Variants in KARS1 observed in about 807,000 individuals in gnomAD.
The protein encoded by KARS1 is lysine--tRNA ligase.
Under a neutral mutation model 63.9 loss-of-function variants are expected in KARS1, and 50 were observed. The ratio of observed to expected loss-of-function variants is 0.78; its 90% CI spans 0.62 to 0.99. The LOEUF (loss-of-function observed/expected upper bound fraction) is 0.99, where lower values mean the gene tolerates loss of function less well. Ranked by LOEUF, KARS1 falls within the 50% of genes least tolerant of loss-of-function variation. KARS1 has a pLI of 0.00. For synonymous variants in KARS1, 320 were observed against 264.6 expected, an observed-to-expected ratio of 1.21 and a Z score of -2.03; for missense variants, 816 against 754.5, an observed-to-expected ratio of 1.08 and a Z score of -0.95.
At chr16:75,630,855 G>A (rs1048536042) in intron 10 of KARS1, among the ~76,000 whole-genome samples, 4 of 151,870 alleles carry the variant, frequency 2.6e-5, no homozygotes, top group African/African-American at 4.8e-5. Flanking sequence ...GGCTGGTTTC[G>A]AACTCCTGAC....
chr16:75,629,300 G>T, intron 12 of KARS1, 115 bp downstream of exon 12: 1 of 1,338,360 alleles, frequency 7.5e-7, no homozygotes, highest in Non-Finnish European at 1.1e-6. Context: ...CAAGCCTATG[G>T]CTTTATCTTT....
chr16:75,636,169 C>G (rs2082159947), intron 4 of KARS1, 71 bp from the exon 5 acceptor site: 1 of 973,834 alleles, frequency 1.0e-6, no homozygotes, highest in Admixed American at 1.9e-5. Context: ...TCCTCTGGAA[C>G]CCTCACTCAA....
intron 1 of KARS1, chr16:75,644,478 G>A (rs758513703): frequency 6.4e-7 from 1 of 1,565,018 alleles, no homozygotes; most frequent in Non-Finnish European, 8.7e-7. Context: ...GGGAAACACA[G>A]AGATGTGGTG....
chr16:75,645,938 C>T (rs2082277824), intron 1 of KARS1, among the ~76,000 whole-genome samples: 1 of 151,524 alleles, frequency 6.6e-6, no homozygotes, highest in South Asian at 2.1e-4. Flanking sequence ...ACCGTGCTTT[C>T]ACCTGTGATA....
intron 1 of KARS1, among the ~76,000 whole-genome samples, chr16:75,643,491 C>T (rs2082247017): frequency 6.6e-6 from 1 of 151,796 alleles, no homozygotes; most frequent in Admixed American, 6.6e-5. Context: ...CATTTTCCTG[C>T]CTCAGCCTCC....
At chr16:75,629,318 G>T (rs1309842709) in intron 12 of KARS1, 97 bp downstream of exon 12, 9 of 1,490,710 alleles carry the variant, frequency 6.0e-6, no homozygotes, top group Non-Finnish European at 8.4e-6. Flanking sequence ...TTTCACTTCT[G>T]AAGTCACCAA....
chr16:75,631,830 C>T lies in KARS1; in HGVS notation c.941G>A (p.Arg314Gln), dbSNP rs538540443. 21 of 1,613,992 alleles carry T rather than the reference C, an allele frequency of 1.3e-5. No individual in the cohort carries two copies. The highest frequency in any genetic ancestry group is 1.7e-5 in the Non-Finnish European group (20 of 1,180,044). Reference sequence around the variant, plus strand: ...GAACTGGCGTCCAATTTCATAAACCCGGTCGATGCCACCAACCACAAGCAT... The same window carrying T: ...GAACTGGCGTCCAATTTCATAAACCTGGTCGATGCCACCAACCACAAGCAT... ...HKMLVVGGID[R>Q]VYEIGRQFRN... is the part of the protein sequence containing the mutation. Residue 314 changes from arginine to glutamine, a missense_variant, in exon 8 of 14, where the codon CGG becomes CAG. Coordinates refer to ENST00000302445, the MANE Select transcript of KARS1 (RefSeq NM_005548.3).
rs764142658 is a variant in KARS1, at chr16:75,635,923, G to T, written c.658C>A (p.Leu220Ile). ...LHMLPHLHFG[L>I]KDKETRYRQR... The stretch of plus-strand genomic sequence containing the variant: ...CCAAGAACGCTTACCTTGTCTTTGA[G>T]GCCAAAGTGAAGATGAGGTAACATA... The change falls in exon 5 of 14, where the codon CTC becomes ATC. Residue 220 changes from leucine (L) to isoleucine (I), a missense_variant. Physicochemically the swap from Leu to Ile is conservative, Grantham distance 5. Transcript: ENST00000302445. 1.2e-6 allele frequency: 2 copies of T among 1,614,044 alleles called. No homozygotes were observed. The highest frequency in any genetic ancestry group is 1.7e-6 in the Non-Finnish European group (2 of 1,180,018).
At chr16:75,644,234 G>C in intron 1 of KARS1, 1 of 1,519,756 alleles carries the variant, frequency 6.6e-7, no homozygotes, top group Non-Finnish European at 9.0e-7. Context: ...AACCAAGTAA[G>C]GAAATAATTT....
Position 75,634,253 on chromosome 16 carries a change from C to CGGCTCCCCCTGGGAGCCCCTGG in KARS1, c.834_835insCCAGGGGCTCCCAGGGGGAGCC (p.Val279ProfsTer34). The stretch of plus-strand genomic sequence containing the variant: ...TGATAAGTGATGAAAGGCTTGGCCA[C>CGGCTCCCCCTGGGAGCCCCTGG]GGCTCCCCCTGGGATGATGTTCATC... On this transcript the variant is annotated frameshift_variant, in exon 7 of 14. Transcript: ENST00000302445. LOFTEE classifies it high-confidence loss of function. The CGGCTCCCCCTGGGAGCCCCTGG allele has an allele frequency of 6.2e-7, 1 of 1,613,866 alleles. No individual in the cohort carries two copies. The highest frequency in any genetic ancestry group is 8.5e-7 in the Non-Finnish European group (1 of 1,179,794).
chr16:75,647,047 C>T (rs1179344581), intron 1 of KARS1, among the ~76,000 whole-genome samples: 1 of 152,166 alleles, frequency 6.6e-6, no homozygotes, highest in African/African-American at 2.4e-5. Flanking sequence ...ACGTTGATCA[C>T]TTAATACTCA....
chr16:75,638,040 C>T (rs1412007113), intron 3 of KARS1, among the ~76,000 whole-genome samples: 3 of 152,016 alleles, frequency 2.0e-5, no homozygotes, highest in African/African-American at 7.2e-5. Context: ...ACCGTGCTTC[C>T]TTTGAACATT....
At chr16:75,636,646 T>C in intron 3 of KARS1, 99 bp from the exon 4 acceptor site, 4 of 771,842 alleles carry the variant, frequency 5.2e-6, no homozygotes, top group South Asian at 1.5e-5. Flanking sequence ...TTTTTTTGTT[T>C]TTTTTGGGAC....
intron 4 of KARS1, 30 bp downstream of exon 4, chr16:75,636,424 A>C: frequency 7.1e-7 from 1 of 1,413,870 alleles, no homozygotes; most frequent in African/African-American, 1.4e-5. Flanking sequence ...GCCAACCAAG[A>C]AAGGTCTATA....
In KARS1 at chr16:75,640,331, T is replaced by C. The variant is rs201829456; in HGVS notation, c.241A>G (p.Ser81Gly). The change falls in exon 3 of 14, where the codon AGT (serine) becomes GGT (glycine). Residue 81 changes from serine (S) to glycine (G), a missense_variant. Coordinates refer to ENST00000302445, the MANE Select transcript of KARS1 (RefSeq NM_005548.3). ...ACCTTCAGCTGATGAATTGCTTGAC[T>C]GCGGATTTTGTAGTATTGCTGTTAA... Reference protein sequence around the residue: ...VDPNQYYKIRSQAIHQLKVNG... With the variant: ...VDPNQYYKIRGQAIHQLKVNG... The C allele has an allele frequency of 8.1e-6, 13 of 1,609,286 alleles. No individual in the cohort carries two copies. Among genetic ancestry groups the C allele is most frequent in the Middle Eastern group, 3.4e-4 (2 of 5,878 alleles).
chr16:75,645,848 A>G (rs1388262054), intron 1 of KARS1, among the ~76,000 whole-genome samples: 1 of 111,378 alleles, frequency 9.0e-6, no homozygotes, highest in Non-Finnish European at 1.6e-5. Flanking sequence ...GCCTCCAAAA[A>G]AAAAAAAAAA....
At chr16:75,642,514 A>T (rs2082237225) in intron 1 of KARS1, among the ~76,000 whole-genome samples, 1 of 152,042 alleles carries the variant, frequency 6.6e-6, no homozygotes, top group African/African-American at 2.4e-5. Flanking sequence ...TGCCAGATCT[A>T]ATACATGATA....
chr16:75,631,921 CTT>C (rs1209638774), intron 7 of KARS1, 66 bp from the exon 8 acceptor site: 2 of 1,590,512 alleles, frequency 1.3e-6, no homozygotes, highest in Non-Finnish European at 8.6e-7. Context: ...GAGTTTTGCT[CTT>C]GTTGCCTAGG....
At position 75,634,428 on chromosome 16, in the gene KARS1, T is replaced by G; in HGVS notation, c.796-136A>C. 3.5e-6 allele frequency: 3 copies of G among 861,756 alleles called. No homozygotes were observed. In the South Asian group the frequency reaches 4.4e-5, roughly 12 times the overall value. 53.4% of individuals were successfully genotyped at this position (861,756 alleles called of 1,614,324 possible). ...AATAAGTTCAACAGTAATGTGCAAGTGCTTGACAAAAAAGGACACTATGAT... is the reference window on the plus strand; with the variant it reads ...AATAAGTTCAACAGTAATGTGCAAGGGCTTGACAAAAAAGGACACTATGAT... On this transcript the variant is annotated intron_variant, in intron 6 of 13. Transcript: ENST00000302445.
Sources: allele counts gnomAD v4.1 joint callset (sites outside exome capture counted in the v4.1 genomes callset), GRCh38; gene constraint gnomAD v4.1.1; transcripts MANE v1.5; gene names NCBI Gene and HGNC (gene_info 2026-07-23, HGNC 2026-07-21).